The following BLNK variants were observed in gnomAD, a reference collection of about 807,000 sequenced individuals.
The protein encoded by BLNK is B cell linker.
A neutral mutation model predicts 73.5 loss-of-function variants in BLNK; 29 were observed. That is an observed-to-expected ratio of 0.39 (90% CI 0.29 to 0.54). BLNK has a LOEUF of 0.54. Ranked by LOEUF, BLNK falls within the 20% of genes least tolerant of loss-of-function variation. The pLI, the probability that BLNK is intolerant of heterozygous loss-of-function variation, is 0.61. For missense variants in BLNK, 460 were observed against 562.8 expected (o/e 0.82, Z 1.85); for synonymous variants, 176 against 200.8 (o/e 0.88, Z 1.04).
intron 1 of BLNK, among the ~76,000 whole-genome samples, chr10:96,259,903 C>A (rs1036508957): frequency 1.2e-4 from 18 of 151,860 alleles, no homozygotes; most frequent in Non-Finnish European, 4.4e-5. Flanking sequence ...GGCACACCAC[C>A]CTGAGACTGA....
intron 13 of BLNK, 73 bp from the exon 14 acceptor site, chr10:96,201,131 A>G (rs1231225396): frequency 3.0e-6 from 4 of 1,326,402 alleles, no homozygotes; most frequent in Non-Finnish European, 4.3e-6. Flanking sequence ...ATCCCCTAAC[A>G]CTGTACTAGG....
chr10:96,230,876 T>C, intron 3 of BLNK, 42 bp from the exon 4 acceptor site: 1 of 1,601,644 alleles, frequency 6.2e-7, no homozygotes, highest in South Asian at 1.1e-5. Context: ...AGTGTGAGCC[T>C]CAGCTGGCCA....
At chr10:96,230,982 T>C in intron 3 of BLNK, 148 bp from the exon 4 acceptor site, 1 of 744,940 alleles carries the variant, frequency 1.3e-6, no homozygotes, top group Non-Finnish European at 2.3e-6. Flanking sequence ...ACTACAATCA[T>C]ATGTTCACTT....
At chr10:96,195,826 G>C (rs1434912378) in intron 16 of BLNK, among the ~76,000 whole-genome samples, 2 of 152,138 alleles carry the variant, frequency 1.3e-5, no homozygotes, top group African/African-American at 4.8e-5. Context: ...TGTCTAAAAG[G>C]CAAAATAAAG....
chr10:96,220,526 G>A (rs587658950), intron 6 of BLNK, among the ~76,000 whole-genome samples: 2 of 152,290 alleles, frequency 1.3e-5, no homozygotes, highest in East Asian at 3.9e-4. Flanking sequence ...CTTTAACGTT[G>A]TTATTGCTGA....
chr10:96,245,913 A>G (rs1843027006), intron 2 of BLNK, among the ~76,000 whole-genome samples: 1 of 152,220 alleles, frequency 6.6e-6, no homozygotes, highest in Non-Finnish European at 1.5e-5. Flanking sequence ...AGATGGAGAT[A>G]TAAGGAAATG....
intron 3 of BLNK, among the ~76,000 whole-genome samples, chr10:96,233,897 G>C (rs1842601124): frequency 6.6e-6 from 1 of 152,192 alleles, no homozygotes; most frequent in Non-Finnish European, 1.5e-5. Flanking sequence ...CTCAAACAAA[G>C]GAACATTAGG....
intron 1 of BLNK, among the ~76,000 whole-genome samples, chr10:96,258,099 C>T (rs1405015378): frequency 1.1e-4 from 17 of 152,156 alleles, no homozygotes; most frequent in Admixed American, 3.3e-4. Context: ...TTTCTGGCAC[C>T]GGCTTCCTAA....
At chr10:96,227,348 G>A in intron 5 of BLNK, 62 bp downstream of exon 5, 1 of 1,592,228 alleles carries the variant, frequency 6.3e-7, no homozygotes, top group Non-Finnish European at 8.5e-7. Flanking sequence ...CCGCAATCTT[G>A]GACACCCCCA....
Position 96,271,541 on chromosome 10 carries a change from T to C in BLNK, c.-143A>G, listed in dbSNP as rs1170757196. The C allele has an allele frequency of 2.5e-6, 2 of 809,492 alleles. No homozygotes were observed. Among genetic ancestry groups the C allele is most frequent in the Non-Finnish European group, 4.3e-6 (2 of 466,296 alleles). The allele number at this position is 809,492 out of a possible 1,614,324, so 50.1% of individuals were successfully genotyped here. ...TCTGATTTCTGAGAGTGCAGGCTGCTGGCAAACACCCCTGCTCTAGGGAGA... is the reference window on the plus strand; with the variant it reads ...TCTGATTTCTGAGAGTGCAGGCTGCCGGCAAACACCCCTGCTCTAGGGAGA... On this transcript the variant is annotated 5_prime_UTR_variant, in exon 1 of 17. Coordinates refer to ENST00000224337, the MANE Select transcript of BLNK (RefSeq NM_013314.4).
chr10:96,200,962 A>G lies in BLNK; in HGVS notation c.1011+20T>C, dbSNP rs782646647. Reference sequence around the variant, plus strand: ...AGTTTCCTGGTAACAATTTAGTGACATCAAGAGTTCATTTCATACCTGTTC... The same window carrying G: ...AGTTTCCTGGTAACAATTTAGTGACGTCAAGAGTTCATTTCATACCTGTTC... On this transcript the variant is annotated intron_variant, in intron 14 of 16. Transcript: ENST00000224337. This position sits in a 1 kb window ranked among gnomAD's most constrained non-coding sequence, Gnocchi z 4.3. 1.2e-6 allele frequency: 2 copies of G among 1,608,382 alleles called. No homozygotes were observed. Among genetic ancestry groups the G allele is most frequent in the South Asian group, 2.2e-5 (2 of 90,970 alleles).
rs1050381900 is a variant in BLNK, at chr10:96,205,559, T to C, written c.818-943A>G. Among the ~76,000 whole-genome samples, 4 of 152,220 alleles carry C rather than the reference T, an allele frequency of 2.6e-5. No homozygotes were observed. The East Asian group carries it at 7.7e-4, about 29-fold the overall frequency. The stretch of plus-strand genomic sequence containing the variant: ...AGCTACTTCAAACCTCTATGTTAGA[T>C]GTTTTGCTCATGACATTAAAACTTG... On this transcript the variant is annotated intron_variant, in intron 11 of 16. Coordinates refer to ENST00000224337, the MANE Select transcript of BLNK (RefSeq NM_013314.4).
Position 96,191,827 on chromosome 10 carries a change from G to T in BLNK, c.*146C>A. On this transcript the variant is annotated 3_prime_UTR_variant, in exon 17 of 17. Coordinates refer to ENST00000224337, the MANE Select transcript of BLNK (RefSeq NM_013314.4). ...CACATGAGCTTCTTAAAAAGAAATG[G>T]ATGACCACTTCAATAGCTGACTCCA... is the stretch of plus-strand genomic sequence containing the variant. 9.2e-7 allele frequency: 1 copy of T among 1,081,402 alleles called. No individual in the cohort carries two copies. The highest frequency in any genetic ancestry group is 1.4e-6 in the Non-Finnish European group (1 of 726,598). 67.0% of individuals were successfully genotyped at this position (1,081,402 alleles called of 1,614,324 possible).
chr10:96,258,742 C>T (rs782700118), intron 1 of BLNK, among the ~76,000 whole-genome samples: 5 of 152,178 alleles, frequency 3.3e-5, no homozygotes, highest in South Asian at 4.1e-4. Flanking sequence ...AAATCAATAA[C>T]GGTAAAAGCC....
chr10:96,215,489 T>C (rs1554899654), intron 7 of BLNK, 100 bp from the exon 8 acceptor site: 2 of 1,117,854 alleles, frequency 1.8e-6, no homozygotes, highest in East Asian at 5.3e-5. Context: ...GGAAAAATGA[T>C]GACCAGACCA....
chr10:96,201,015 G>A lies in BLNK; in HGVS notation c.978C>T (p.Pro326=). The part of the protein sequence containing the change: ...GGNPTVDGPL[P]SFSSNSTISE... Reference sequence around the variant, plus strand: ...AAATAGTGGAATTAGATGAAAAGCTGGGTAGGGGCCCATCCACAGTTGGGT... The same window carrying A: ...AAATAGTGGAATTAGATGAAAAGCTAGGTAGGGGCCCATCCACAGTTGGGT... The change falls in exon 14 of 17, where the codon CCC becomes CCT. Residue 326 remains proline, a synonymous_variant. Coordinates refer to ENST00000224337, the MANE Select transcript of BLNK (RefSeq NM_013314.4). 1 of 1,614,102 alleles carries A rather than the reference G, an allele frequency of 6.2e-7. No individual in the cohort carries two copies.
At chr10:96,255,267 C>A (rs1843461522) in intron 1 of BLNK, among the ~76,000 whole-genome samples, 1 of 152,178 alleles carries the variant, frequency 6.6e-6, no homozygotes. Flanking sequence ...CAGCTGCATG[C>A]AGATATTTCG....
At chr10:96,258,603 TG>T (rs548253705) in intron 1 of BLNK, among the ~76,000 whole-genome samples, 20 of 152,124 alleles carry the variant, frequency 1.3e-4, no homozygotes, top group African/African-American at 4.6e-4. Context: ...CTAGAGAAGG[TG>T]GGGGGTACCT....
chr10:96,205,238 C>A (rs1554897161), intron 11 of BLNK: 1 of 156,056 alleles, frequency 6.4e-6, no homozygotes, highest in East Asian at 1.9e-4. Flanking sequence ...TGTTGAAGCC[C>A]ATAGTGAACT....
Sources: gnomAD v4.1 joint callset for allele counts (sites outside exome capture counted in the v4.1 genomes callset) on GRCh38, gnomAD v4.1.1 for gene constraint, Gnocchi (gnomAD v3.1) non-coding constraint, MANE v1.5 for transcripts, NCBI Gene and HGNC (gene_info 2026-07-23, HGNC 2026-07-21) for gene names.